Variants in PPM1H observed in about 807,000 individuals in gnomAD.
PPM1H encodes protein phosphatase 1H.
Under a neutral mutation model 54.9 loss-of-function variants are expected in PPM1H, and 27 were observed. The ratio of observed to expected loss-of-function variants is 0.49; its 90% confidence interval spans 0.36 to 0.68. The LOEUF (loss-of-function observed/expected upper bound fraction) is 0.68, where lower values mean the gene tolerates loss of function less well. Ranked by LOEUF, PPM1H falls within the 30% of genes least tolerant of loss-of-function variation. The pLI is 0.00. For synonymous variants in PPM1H, 305 were observed against 270.8 expected, an observed-to-expected ratio of 1.13 and a Z score of -1.24; for missense variants, 596 against 667.8, an observed-to-expected ratio of 0.89 and a Z score of 1.19.
At chr12:62,701,782 G>T (rs1421183836) in intron 6 of PPM1H, among the ~76,000 whole-genome samples, 1 of 151,928 alleles carries the variant, frequency 6.6e-6, no homozygotes, top group East Asian at 1.9e-4. Context: ...ACTTGGAAAG[G>T]CCTCCCCTGA....
chr12:62,755,738 A>G, intron 4 of PPM1H: 1 of 764,582 alleles, frequency 1.3e-6, no homozygotes, highest in Non-Finnish European at 2.2e-6. Flanking sequence ...GGTATCGTGG[A>G]AGGACTCATG....
chr12:62,787,191 C>A (rs1168902715), intron 4 of PPM1H, among the ~76,000 whole-genome samples: 1 of 151,964 alleles, frequency 6.6e-6, no homozygotes, highest in Non-Finnish European at 1.5e-5. Context: ...GCAGAGGCAA[C>A]AGCAACTTAA....
Position 62,648,492 on chromosome 12 carries a change from T to C in PPM1H, c.1542A>G (p.Ser514=), listed in dbSNP as rs776398878. Residue 514 remains serine, a synonymous_variant, in exon 10 of 10, where the codon TCA becomes TCG. Transcript: ENST00000228705. ...VIPLIHGNKL[S] is the part of the protein sequence containing the mutation. ...CTCCCAATCCCCTGGGCCATTTTCA[T>C]GACAGCTTGTTTCCATGTATTAAAG... The C allele has an allele frequency of 2.3e-5, 37 of 1,613,866 alleles. No homozygotes were observed. In the Admixed American group the frequency reaches 3.3e-4, roughly 15 times the overall value.
intron 4 of PPM1H, among the ~76,000 whole-genome samples, chr12:62,786,526 T>C (rs1329831933): frequency 6.6e-6 from 1 of 152,182 alleles, no homozygotes; most frequent in Non-Finnish European, 1.5e-5. Flanking sequence ...AGTCAGCATA[T>C]CTTCTCCCAT....
chr12:62,667,469 C>T (rs189011784), intron 8 of PPM1H, 140 bp from the exon 9 acceptor site: 2 of 753,278 alleles, frequency 2.7e-6, no homozygotes, highest in East Asian at 5.5e-5. Context: ...CTTGATTATA[C>T]AGCGAGCTGT....
At position 62,870,888 on chromosome 12, in the gene PPM1H, G is replaced by A. The variant is rs115425422; in HGVS notation, c.246-38609C>T. Among the ~76,000 whole-genome samples the A allele has an allele frequency of 4.7e-3, 708 of 152,244 alleles. 14 individuals carry two copies. The highest frequency in any genetic ancestry group is 0.015 in the African/African-American group (638 of 41,552). On this transcript the variant is annotated intron_variant, in intron 1 of 9. Coordinates refer to ENST00000228705, the MANE Select transcript of PPM1H (RefSeq NM_020700.2). ...ATACCACTTCACACCCACTGGGCTG[G>A]GTATTATAAAAAAAGATACAATAAC...
intron 2 of PPM1H, among the ~76,000 whole-genome samples, chr12:62,824,272 C>T (rs1177346351): frequency 2.0e-5 from 3 of 152,182 alleles, no homozygotes; most frequent in Admixed American, 6.5e-5. Context: ...AATGGAAGAA[C>T]ATTCCATGCT....
chr12:62,835,629 A>C (rs1022235936), intron 1 of PPM1H, among the ~76,000 whole-genome samples: 1 of 152,190 alleles, frequency 6.6e-6, no homozygotes, highest in Non-Finnish European at 1.5e-5. Flanking sequence ...TGGTGGTCCC[A>C]CCTATGTAAG....
chr12:62,913,072 C>T (rs1449424810), intron 1 of PPM1H, among the ~76,000 whole-genome samples: 4 of 152,052 alleles, frequency 2.6e-5, no homozygotes, highest in African/African-American at 7.2e-5. Context: ...CCATGGAGAG[C>T]TTAAGGGAGA....
chr12:62,838,619 A>G (rs1466592259), intron 1 of PPM1H, among the ~76,000 whole-genome samples: 1 of 151,330 alleles, frequency 6.6e-6, no homozygotes, highest in African/African-American at 2.4e-5. Context: ...CAAAACATCC[A>G]TCAAGAATAA....
chr12:62,776,364 T>C (rs1342189401), intron 4 of PPM1H, among the ~76,000 whole-genome samples: 1 of 152,240 alleles, frequency 6.6e-6, no homozygotes, highest in Non-Finnish European at 1.5e-5. Flanking sequence ...CCTTGCCCTA[T>C]GTTTCTCTTT....
chr12:62,753,629 T>A (rs925378408), intron 4 of PPM1H, among the ~76,000 whole-genome samples: 5 of 152,216 alleles, frequency 3.3e-5, no homozygotes, highest in African/African-American at 1.2e-4. Context: ...ACTGTTCTGT[T>A]CCCTCTTGGA....
At position 62,728,302 on chromosome 12, in the gene PPM1H, G is replaced by A. The variant is rs2120492038; in HGVS notation, c.955-8013C>T. ...TAAAAAAAGGAAACTTACAAACATG[G>A]TTATATCTGGCCAGGAACAAGGACA... On this transcript the variant is annotated intron_variant, in intron 5 of 9. Transcript: ENST00000228705. Among the ~76,000 whole-genome samples the A allele has an allele frequency of 3.3e-5, 5 of 152,250 alleles. No homozygotes were observed. In the Middle Eastern group the frequency reaches 0.01, roughly 311 times the overall value.
chr12:62,718,559 C>T (rs2076247741), intron 6 of PPM1H, among the ~76,000 whole-genome samples: 2 of 152,102 alleles, frequency 1.3e-5, no homozygotes, highest in South Asian at 4.2e-4. Flanking sequence ...CAGTACCAGC[C>T]CCATCTGTCT....
chr12:62,794,328 A>T (rs1339126084), intron 3 of PPM1H, among the ~76,000 whole-genome samples: 1 of 152,252 alleles, frequency 6.6e-6, no homozygotes, highest in Non-Finnish European at 1.5e-5. Flanking sequence ...TATTATAATT[A>T]ATCTATAAAC....
chr12:62,657,548 T>C (rs1430485277), intron 9 of PPM1H, among the ~76,000 whole-genome samples: 1 of 152,190 alleles, frequency 6.6e-6, no homozygotes, highest in Non-Finnish European at 1.5e-5. Context: ...TGCAGATTTT[T>C]ATCTAGTCTT....
intron 9 of PPM1H, among the ~76,000 whole-genome samples, chr12:62,666,940 C>T (rs868132719): frequency 6.6e-6 from 1 of 152,162 alleles, no homozygotes. Flanking sequence ...TCTAGAACTC[C>T]TGACCTCATG....
chr12:62,801,893 T>C lies in PPM1H; in HGVS notation c.679A>G (p.Thr227Ala). Residue 227 changes from threonine (T) to alanine (A), a missense_variant, in exon 3 of 10, where the codon ACA (threonine) becomes GCA (alanine). Thr to Ala is a moderately conservative substitution (Grantham distance 58). Around this residue, in one of 3 missense-constraint regions of PPM1H, gnomAD observed 382 missense variants for 387.1 expected, o/e 0.99. Transcript: ENST00000228705. ...GAPGSPSTPP[T>A]RFFTEKKIPH... Reference sequence around the variant, plus strand: ...ATCTTCTTCTCGGTAAAGAAGCGTGTGGGGGGCGTGCTGGGGGAGCCCGGG... The same window carrying C: ...ATCTTCTTCTCGGTAAAGAAGCGTGCGGGGGGCGTGCTGGGGGAGCCCGGG... 1.2e-6 allele frequency: 2 copies of C among 1,613,670 alleles called. No individual in the cohort carries two copies. Among genetic ancestry groups the C allele is most frequent in the Non-Finnish European group, 8.5e-7 (1 of 1,179,746 alleles).
intron 1 of PPM1H, among the ~76,000 whole-genome samples, chr12:62,854,117 A>G (rs540633768): frequency 9.8e-5 from 15 of 152,336 alleles, no homozygotes; most frequent in African/African-American, 3.6e-4. Context: ...TTGCTCACAT[A>G]CGGAAACAAG....
Sources: allele counts gnomAD v4.1 joint callset (sites outside exome capture counted in the v4.1 genomes callset), GRCh38; gene constraint gnomAD v4.1.1; regional missense constraint gnomAD v4.1.1; transcripts MANE v1.5; gene names NCBI Gene and HGNC (gene_info 2026-07-23, HGNC 2026-07-21).